RFTN1: variants seen among roughly 807,000 people sequenced by gnomAD.
RFTN1 encodes raftlin, lipid raft linker 1, also known as raftlin.
Under a neutral mutation model 46.5 loss-of-function variants are expected in RFTN1, and 26 were observed. The ratio of observed to expected loss-of-function variants is 0.56; its 90% CI spans 0.41 to 0.78. RFTN1 has a LOEUF of 0.78. Among genes scored for constraint, RFTN1 ranks in the 30% least tolerant of loss-of-function variants. The probability of loss-of-function intolerance (pLI) is 0.00; values close to 1 mark genes in which losing one functional copy is unlikely to be tolerated. For synonymous variants in RFTN1, 261 were observed against 284.2 expected (o/e 0.92, Z 0.82); for missense variants, 693 against 718.7 (o/e 0.96, Z 0.41).
In RFTN1 at chr3:16,452,088, C is replaced by T. The variant is rs574376148; in HGVS notation, c.146-18051G>A. On this transcript the variant is annotated intron_variant, in intron 2 of 9. Coordinates refer to ENST00000334133, the MANE Select transcript of RFTN1 (RefSeq NM_015150.2). This position sits in a 1 kb window ranked among gnomAD's most constrained non-coding sequence, Gnocchi z 6.3. ...GATGGCACGAGATTTCACCATGCTA[C>T]TCAGAATAGTGAGTAATTGAAAACT... is the stretch of plus-strand genomic sequence containing the variant. Among the ~76,000 whole-genome samples the T allele has an allele frequency of 1.3e-5, 2 of 152,266 alleles. No homozygotes were observed. Among genetic ancestry groups the T allele is most frequent in the South Asian group, 4.1e-4 (2 of 4,830 alleles).
At chr3:16,430,758 G>A (rs1389934525) in intron 3 of RFTN1, among the ~76,000 whole-genome samples, 1 of 152,108 alleles carries the variant, frequency 6.6e-6, no homozygotes, top group Non-Finnish European at 1.5e-5. Context: ...AGTTCATCAG[G>A]CAGGCAGTTC....
At chr3:16,493,262 C>T (rs1409630822) in intron 2 of RFTN1, among the ~76,000 whole-genome samples, 5 of 150,894 alleles carry the variant, frequency 3.3e-5, no homozygotes, top group Admixed American at 3.3e-4. Context: ...GACAGAGTCT[C>T]GCTCTCTCGC....
At chr3:16,415,241 G>A (rs905969430) in intron 3 of RFTN1, among the ~76,000 whole-genome samples, 2 of 151,862 alleles carry the variant, frequency 1.3e-5, no homozygotes, top group Admixed American at 6.6e-5. Context: ...ATGACTCCAA[G>A]GATCTTTGCC....
Position 16,334,278 on chromosome 3 carries a change from C to A in RFTN1, c.1147-7402G>T, listed in dbSNP as rs571451862. Reference sequence around the variant, plus strand: ...AGGCAGCCCGCTTTGTTGCCAAGGCCGTGGGGAAGCATGCGTTCTTGTACA... The same window carrying A: ...AGGCAGCCCGCTTTGTTGCCAAGGCAGTGGGGAAGCATGCGTTCTTGTACA... On this transcript the variant is annotated intron_variant, in intron 7 of 9. Coordinates refer to ENST00000334133, the MANE Select transcript of RFTN1 (RefSeq NM_015150.2). The surrounding 1 kb of genome is among the most constrained non-coding windows in gnomAD (Gnocchi z 4.3). 6.6e-6 allele frequency among the ~76,000 whole-genome samples: 1 copy of A among 152,156 alleles called. No individual in the cohort carries two copies. The highest frequency in any genetic ancestry group is 2.4e-5 in the African/African-American group (1 of 41,410).
At chr3:16,486,983 G>A (rs116439534) in intron 2 of RFTN1, among the ~76,000 whole-genome samples, 28 of 152,046 alleles carry the variant, frequency 1.8e-4, no homozygotes, top group South Asian at 1.7e-3. Flanking sequence ...CCCAACCCCC[G>A]TCTTCCCTCC....
Position 16,513,207 on chromosome 3 carries a change from C to T in RFTN1, c.-9+235G>A, listed in dbSNP as rs1198184689. The T allele has an allele frequency of 1.3e-5, 2 of 152,732 alleles. No homozygotes were observed. Among genetic ancestry groups the T allele is most frequent in the Non-Finnish European group, 2.9e-5 (2 of 68,488 alleles). 9.5% of individuals were successfully genotyped at this position (152,732 alleles called of 1,614,324 possible). On this transcript the variant is annotated intron_variant, in intron 1 of 9. Coordinates refer to ENST00000334133, the MANE Select transcript of RFTN1 (RefSeq NM_015150.2). This position sits in a 1 kb window ranked among gnomAD's most constrained non-coding sequence, Gnocchi z 5.4. ...GGAATGACTCCCCTACACCCGTTCC[C>T]CGCAAAAAAAAGTTGGCCCAAGATC...
intron 2 of RFTN1, among the ~76,000 whole-genome samples, chr3:16,455,367 G>A (rs570849676): frequency 2.0e-5 from 3 of 152,254 alleles, no homozygotes; most frequent in South Asian, 2.1e-4. Flanking sequence ...AAATCCTCAC[G>A]CTAGTAGCCA....
At chr3:16,505,313 G>C (rs2076784659) in intron 1 of RFTN1, among the ~76,000 whole-genome samples, 1 of 151,992 alleles carries the variant, frequency 6.6e-6, no homozygotes, top group Non-Finnish European at 1.5e-5. Flanking sequence ...GCAATCTTTT[G>C]TACACCCTCA....
rs910740308 is a variant in RFTN1 at position 16,422,492 on chromosome 3, G to A, written c.332+11359C>T. On this transcript the variant is annotated intron_variant, in intron 3 of 9. Coordinates refer to ENST00000334133, the MANE Select transcript of RFTN1 (RefSeq NM_015150.2). This position sits in a 1 kb window ranked among gnomAD's most constrained non-coding sequence, Gnocchi z 4.6. ...AAAAATACAAAAAAATTAGCTGGGC[G>A]TGGTGGCACGTGCCTGTAATCCCAG... 9.2e-5 allele frequency among the ~76,000 whole-genome samples: 14 copies of A among 152,026 alleles called. No homozygotes were observed. Among genetic ancestry groups the A allele is most frequent in the Non-Finnish European group, 2.1e-4 (14 of 68,018 alleles).
In RFTN1 at chr3:16,335,524, C is replaced by T. The variant is rs1305840305; in HGVS notation, c.1147-8648G>A. On this transcript the variant is annotated intron_variant, in intron 7 of 9. Transcript: ENST00000334133. This position sits in a 1 kb window ranked among gnomAD's most constrained non-coding sequence, Gnocchi z 4.7. ...ACTAACGCAGGAACAGAAAATCAAACACCACATGTTCTCACTTACAAGTGG... is the reference window on the plus strand; with the variant it reads ...ACTAACGCAGGAACAGAAAATCAAATACCACATGTTCTCACTTACAAGTGG... Among the ~76,000 whole-genome samples, 3 of 152,286 alleles carry T rather than the reference C, an allele frequency of 2.0e-5. No individual in the cohort carries two copies. The highest frequency in any genetic ancestry group is 1.9e-4 in the East Asian group (1 of 5,192).
At chr3:16,355,976 C>T (rs1260742491) in intron 7 of RFTN1, among the ~76,000 whole-genome samples, 3 of 152,230 alleles carry the variant, frequency 2.0e-5, no homozygotes, top group Non-Finnish European at 4.4e-5. Context: ...GGCACAGGCA[C>T]ATGTTTTGGG....
intron 4 of RFTN1, among the ~76,000 whole-genome samples, chr3:16,392,697 T>C (rs2074380165): frequency 6.6e-6 from 1 of 150,752 alleles, no homozygotes; most frequent in Non-Finnish European, 1.5e-5. Flanking sequence ...ATATATATCA[T>C]AAATAAAAGT....
chr3:16,399,040 A>T (rs903052288), intron 4 of RFTN1, among the ~76,000 whole-genome samples: 3 of 152,164 alleles, frequency 2.0e-5, no homozygotes, highest in Non-Finnish European at 4.4e-5. Flanking sequence ...TTTTTTAGGG[A>T]TCCCAAGTTG....
intron 3 of RFTN1, among the ~76,000 whole-genome samples, chr3:16,423,084 C>A (rs1266901645): frequency 6.6e-6 from 1 of 151,758 alleles, no homozygotes; most frequent in East Asian, 1.9e-4. Flanking sequence ...AGGAGAATGG[C>A]GAGAACCCAG....
In RFTN1 at chr3:16,448,844, A is replaced by G. The variant is rs2075777990; in HGVS notation, c.146-14807T>C. On this transcript the variant is annotated intron_variant, in intron 2 of 9. Transcript: ENST00000334133. The surrounding 1 kb of genome is among the most constrained non-coding windows in gnomAD (Gnocchi z 4.1). ...CACTGCTCTAGCAAAACTAGAAATA[A>G]CTGCTGGAGGCAAGCAGCCAGCCGG... Among the ~76,000 whole-genome samples the G allele has an allele frequency of 6.6e-6, 1 of 152,160 alleles. No individual in the cohort carries two copies. The highest frequency in any genetic ancestry group is 1.5e-5 in the Non-Finnish European group (1 of 68,014).
At chr3:16,373,025 C>T (rs1172215765) in intron 5 of RFTN1, among the ~76,000 whole-genome samples, 11 of 152,306 alleles carry the variant, frequency 7.2e-5, no homozygotes, top group Middle Eastern at 3.4e-3. Flanking sequence ...AAGTGATGTC[C>T]TTTGATGTTT....
In RFTN1 at chr3:16,422,098, G is replaced by C. The variant is rs1433633202; in HGVS notation, c.332+11753C>G. ...ACATTAAATATGTCTACCCCACTTT[G>C]GTAACCACTGTTTAGATAGTACATA... On this transcript the variant is annotated intron_variant, in intron 3 of 9. Transcript: ENST00000334133. This position sits in a 1 kb window ranked among gnomAD's most constrained non-coding sequence, Gnocchi z 4.6. Among the ~76,000 whole-genome samples the C allele has an allele frequency of 1.3e-5, 2 of 151,888 alleles. No homozygotes were observed. Among genetic ancestry groups the C allele is most frequent in the Non-Finnish European group, 2.9e-5 (2 of 68,006 alleles).
chr3:16,379,265 A>C (rs2073897960), intron 4 of RFTN1, among the ~76,000 whole-genome samples: 1 of 152,254 alleles, frequency 6.6e-6, no homozygotes, highest in African/African-American at 2.4e-5. Context: ...TTAAATGGAA[A>C]GTCATTTTTG....
intron 2 of RFTN1, chr3:16,472,661 A>G (rs919760454): frequency 6.6e-6 from 1 of 152,362 alleles, no homozygotes; most frequent in Middle Eastern, 3.4e-3. Context: ...AATCTTGGCA[A>G]GGCAGAAACG....
Sources: allele counts gnomAD v4.1 joint callset (sites outside exome capture counted in the v4.1 genomes callset), GRCh38; gene constraint gnomAD v4.1.1; non-coding constraint Gnocchi (gnomAD v3.1); transcripts MANE v1.5; gene names NCBI Gene and HGNC (gene_info 2026-07-23, HGNC 2026-07-21).